Variants in DZIP3 observed in about 807,000 individuals in gnomAD.
The protein encoded by DZIP3 is DAZ interacting zinc finger protein 3.
In DZIP3, 118 loss-of-function variants were observed where a neutral mutation model predicts 162.0. That is an observed-to-expected ratio of 0.73 (90% CI 0.63 to 0.85). The LOEUF (loss-of-function observed/expected upper bound fraction) is 0.85. DZIP3 is among the 40% of genes least tolerant of loss of function. DZIP3 has a pLI of 0.00. For synonymous variants in DZIP3, 438 were observed against 458.6 expected (o/e 0.96, Z 0.57); for missense variants, 1,331 against 1,407.0 (o/e 0.95, Z 0.86).
intron 26 of DZIP3, among the ~76,000 whole-genome samples, chr3:108,682,410 A>G (rs9863348): frequency 0.02 from 3,031 of 150,970 alleles, 305 homozygotes; most frequent in African/African-American, 0.072. Flanking sequence ...AAATGTATAT[A>G]TACACAATGA....
chr3:108,675,129 AC>A (rs1944056739), intron 24 of DZIP3, among the ~76,000 whole-genome samples: 1 of 151,876 alleles, frequency 6.6e-6, no homozygotes, highest in South Asian at 2.1e-4. Context: ...AATGGATAGA[AC>A]CTTTTAAAAG....
chr3:108,592,192 T>G (rs1341380976), intron 1 of DZIP3, among the ~76,000 whole-genome samples: 4 of 152,104 alleles, frequency 2.6e-5, no homozygotes, highest in African/African-American at 9.7e-5. Flanking sequence ...ACTAATTTTC[T>G]GGAACCTTCT....
intron 12 of DZIP3, among the ~76,000 whole-genome samples, chr3:108,640,739 C>T (rs4855658): frequency 0.2 from 30,917 of 152,010 alleles, 3,719 homozygotes; most frequent in East Asian, 0.45. Flanking sequence ...CCACCATGCT[C>T]GGCCTTAACA....
At chr3:108,632,750 C>T (rs1029012980) in intron 8 of DZIP3, among the ~76,000 whole-genome samples, 2 of 152,156 alleles carry the variant, frequency 1.3e-5, no homozygotes, top group South Asian at 4.1e-4. Flanking sequence ...AAATCCCGTA[C>T]TTCTAATTTA....
chr3:108,661,221 A>G (rs1331463302), intron 19 of DZIP3, among the ~76,000 whole-genome samples: 1 of 152,188 alleles, frequency 6.6e-6, no homozygotes, highest in Non-Finnish European at 1.5e-5. Context: ...AATAGCAAAG[A>G]CTTGGAACCA....
At chr3:108,669,211 C>T (rs759194855) in intron 21 of DZIP3, among the ~76,000 whole-genome samples, 1 of 151,908 alleles carries the variant, frequency 6.6e-6, no homozygotes, top group Non-Finnish European at 1.5e-5. Flanking sequence ...TACACAGCCT[C>T]ATCACTTCAA....
chr3:108,635,185 A>G (rs1034555325), intron 10 of DZIP3, among the ~76,000 whole-genome samples: 2 of 151,864 alleles, frequency 1.3e-5, no homozygotes, highest in Non-Finnish European at 2.9e-5. Flanking sequence ...ATCATTTATT[A>G]AACAGCTCTT....
At chr3:108,640,447 C>CA (rs1553707257) in intron 12 of DZIP3, among the ~76,000 whole-genome samples, 2 of 116,142 alleles carry the variant, frequency 1.7e-5, no homozygotes, top group African/African-American at 3.4e-5. Context: ...ATTTAACATC[C>CA]TTTTTTTTTT....
At chr3:108,663,996 C>G (rs1464908385) in intron 21 of DZIP3, among the ~76,000 whole-genome samples, 1 of 152,152 alleles carries the variant, frequency 6.6e-6, no homozygotes, top group Non-Finnish European at 1.5e-5. Context: ...AATGTATAGT[C>G]CTATTCCTCA....
chr3:108,594,041 T>C (rs1014995232), intron 1 of DZIP3, among the ~76,000 whole-genome samples: 2 of 152,184 alleles, frequency 1.3e-5, no homozygotes, highest in African/African-American at 4.8e-5. Context: ...CTTTTTAGCA[T>C]AATAATTGCT....
rs952590722 is a variant in DZIP3 at position 108,687,610 on chromosome 3, C to T, written c.3150-366C>T. On this transcript the variant is annotated intron_variant, in intron 28 of 32. Transcript: ENST00000361582. ...ACATAGTTAAAAATAAATATGTTATCCTGAGCAAGAAACCACTTGAGAGAT... is the reference window on the plus strand; with the variant it reads ...ACATAGTTAAAAATAAATATGTTATTCTGAGCAAGAAACCACTTGAGAGAT... 4.6e-5 allele frequency among the ~76,000 whole-genome samples: 7 copies of T among 152,104 alleles called. No individual in the cohort carries two copies. The East Asian group carries it at 7.7e-4, about 17-fold the overall frequency.
chr3:108,600,716 A>G (rs1333349243), intron 1 of DZIP3, among the ~76,000 whole-genome samples: 2 of 152,180 alleles, frequency 1.3e-5, no homozygotes, highest in Non-Finnish European at 2.9e-5. Flanking sequence ...ACACTTATAT[A>G]GTGCTTACTA....
chr3:108,674,137 G>A lies in DZIP3; in HGVS notation c.2649G>A (p.Lys883=). Residue 883 remains lysine, a synonymous_variant, in exon 24 of 33, where the codon AAG becomes AAA. Transcript: ENST00000361582. The stretch of plus-strand genomic sequence containing the variant: ...TGCTTCATCTAGAGCAGACTGAAAA[G>A]GAATGTCTCAATCAGCTTGCCAGGG... ...FGLLHLEQTE[K]ECLNQLARVT... 1.2e-6 allele frequency: 2 copies of A among 1,612,394 alleles called. No individual in the cohort carries two copies. The highest frequency in any genetic ancestry group is 1.7e-6 in the Non-Finnish European group (2 of 1,178,908).
rs538651880 is a variant in DZIP3, at chr3:108,690,331, C to T, written c.3517-456C>T. ...CATAGCCGAAAATTACTGTCATTAT[C>T]GCCAAAGAAAACAATCTGAGAAGTG... On this transcript the variant is annotated intron_variant, in intron 31 of 32. Transcript: ENST00000361582. 5.3e-4 allele frequency among the ~76,000 whole-genome samples: 80 copies of T among 152,206 alleles called. 1 individual carries two copies. Among genetic ancestry groups the T allele is most frequent in the African/African-American group, 1.7e-3 (70 of 41,514 alleles).
chr3:108,688,746 A>G lies in DZIP3; in HGVS notation c.3414+10A>G. ...AGGAGCCAGTAATCCAGTGAGACTG[A>G]AATTTTTGATTCTGAACACATTTAG... On this transcript the variant is annotated intron_variant, in intron 30 of 32. Transcript: ENST00000361582. 1 of 1,613,854 alleles carries G rather than the reference A, an allele frequency of 6.2e-7. No homozygotes were observed. Among genetic ancestry groups the G allele is most frequent in the Non-Finnish European group, 8.5e-7 (1 of 1,179,922 alleles).
rs201597941 is a variant in DZIP3 at position 108,633,032 on chromosome 3, G to A, written c.776G>A (p.Arg259Gln). ...ATTTGTAGTTACCTAGATTGTGAAC[G>A]ATCTTGTGAAGCTGACATTTTGAAG... The part of the protein sequence containing the change: ...QTICSYLDCE[R>Q]SCEADILKNT... The change falls in exon 9 of 33, where the codon CGA becomes CAA. Residue 259 changes from arginine to glutamine, a missense_variant. Physicochemically the swap from Arg to Gln is conservative, Grantham distance 43. Around this residue, in one of 2 missense-constraint regions of DZIP3, gnomAD observed 1,278 missense variants for 1,317.1 expected, o/e 0.97. Transcript: ENST00000361582. 2.2e-4 allele frequency: 329 copies of A among 1,489,482 alleles called. 1 individual carries two copies. The highest frequency in any genetic ancestry group is 7.1e-4 in the South Asian group (46 of 64,976). The allele number at this position is 1,489,482 out of a possible 1,614,324, so 92.3% of individuals were successfully genotyped here. A position where few individuals can be genotyped will look rare whatever the true frequency, so the allele number is the denominator to read the frequency against.
chr3:108,657,470 A>T (rs1465611753), intron 19 of DZIP3, among the ~76,000 whole-genome samples: 4 of 152,240 alleles, frequency 2.6e-5, no homozygotes, highest in Non-Finnish European at 5.9e-5. Context: ...GGCCTGCCCT[A>T]AAAGAGCTCC....
intron 5 of DZIP3, among the ~76,000 whole-genome samples, chr3:108,618,664 C>T (rs1179719936): frequency 6.6e-6 from 1 of 152,254 alleles, no homozygotes; most frequent in East Asian, 1.9e-4. Context: ...CCACTGAGAT[C>T]AGTTTGAAGC....
rs763375287 is a variant in DZIP3 at position 108,608,149 on chromosome 3, T to G, written c.93T>G (p.Ser31=). 1 of 1,612,024 alleles carries G rather than the reference T, an allele frequency of 6.2e-7. No homozygotes were observed. ...CTGAGAATAAGCTAGAAAAATCATCTGGTCAACTGGTAAGAGAAAGTTTAA... is the reference window on the plus strand; with the variant it reads ...CTGAGAATAAGCTAGAAAAATCATCGGGTCAACTGGTAAGAGAAAGTTTAA... ...EETENKLEKS[S]GQLNKQENDI... is the part of the protein sequence containing the mutation. The change falls in exon 3 of 33, where the codon TCT becomes TCG. Residue 31 remains serine (S), a synonymous_variant. Coordinates refer to ENST00000361582, the MANE Select transcript of DZIP3 (RefSeq NM_014648.4).
Sources: allele counts gnomAD v4.1 joint callset (sites outside exome capture counted in the v4.1 genomes callset), GRCh38; gene constraint gnomAD v4.1.1; regional missense constraint gnomAD v4.1.1; transcripts MANE v1.5; gene names NCBI Gene and HGNC (gene_info 2026-07-23, HGNC 2026-07-21).